The following PHACTR1 variants were observed in gnomAD, a reference collection of about 807,000 sequenced individuals.
The protein encoded by PHACTR1 is phosphatase and actin regulator 1.
Under a neutral mutation model 69.2 loss-of-function variants are expected in PHACTR1, and 16 were observed. That is an observed-to-expected ratio of 0.23 (90% CI 0.16 to 0.35). The LOEUF (loss-of-function observed/expected upper bound fraction) is 0.35, where lower values mean the gene tolerates loss of function less well. PHACTR1 is among the 10% of genes least tolerant of loss of function. The pLI is 1.00. For missense variants in PHACTR1, 510 were observed against 734.7 expected, an observed-to-expected ratio of 0.69 and a Z score of 3.54; for synonymous variants, 312 against 284.5, an observed-to-expected ratio of 1.10 and a Z score of -0.97.
chr6:13,244,679 T>C (rs1292436837), intron 10 of PHACTR1, among the ~76,000 whole-genome samples: 3 of 152,234 alleles, frequency 2.0e-5, no homozygotes. Flanking sequence ...TCACCGGCAG[T>C]CAGAGTTTAA....
intron 10 of PHACTR1, among the ~76,000 whole-genome samples, chr6:13,248,275 G>A (rs968143423): frequency 1.3e-5 from 2 of 152,202 alleles, no homozygotes; most frequent in African/African-American, 4.8e-5. Context: ...GCAGCTCCCA[G>A]GAGGAAACCG....
At position 13,233,134 on chromosome 6, in the gene PHACTR1, A is replaced by G. The variant is rs148228860; in HGVS notation, c.1391+2941A>G. Among the ~76,000 whole-genome samples, 438 of 152,340 alleles carry G rather than the reference A, an allele frequency of 2.9e-3. 3 individuals are homozygous for G. Among genetic ancestry groups the G allele is most frequent in the African/African-American group, 9.9e-3 (410 of 41,572 alleles). On this transcript the variant is annotated intron_variant, in intron 10 of 14. Coordinates refer to ENST00000332995, the MANE Select transcript of PHACTR1 (RefSeq NM_030948.6). ...GTAAAAAAGGGCACCATTGCCCCAG[A>G]GCATACTCCTAAAAAGGGAGACAAT... is the stretch of plus-strand genomic sequence containing the variant.
intron 5 of PHACTR1, among the ~76,000 whole-genome samples, chr6:13,082,489 T>C (rs1009969181): frequency 2.0e-5 from 3 of 152,154 alleles, no homozygotes; most frequent in African/African-American, 7.2e-5. Context: ...AGAAAAATGG[T>C]ATTTCTAGTT....
rs114086197 is a variant in PHACTR1, at chr6:12,824,822, T to C, written c.250+75032T>C. Among the ~76,000 whole-genome samples, 1,070 of 152,244 alleles carry C rather than the reference T, an allele frequency of 7.0e-3. 17 individuals are homozygous for C. The highest frequency in any genetic ancestry group is 0.025 in the African/African-American group (1,019 of 41,548). ...TGTTTCAGTCTAATACAGAGTGTAGTGGTGAACAGCAAGGATTCTGCAACC... is the reference window on the plus strand; with the variant it reads ...TGTTTCAGTCTAATACAGAGTGTAGCGGTGAACAGCAAGGATTCTGCAACC... On this transcript the variant is annotated intron_variant, in intron 4 of 14. Coordinates refer to ENST00000332995, the MANE Select transcript of PHACTR1 (RefSeq NM_030948.6).
intron 6 of PHACTR1, among the ~76,000 whole-genome samples, chr6:13,168,228 A>G (rs1005758385): frequency 3.9e-5 from 6 of 152,216 alleles, no homozygotes; most frequent in African/African-American, 9.6e-5. Flanking sequence ...ACTTAATACA[A>G]TAGGTTTACT....
chr6:12,835,737 G>C (rs769278891), intron 4 of PHACTR1, among the ~76,000 whole-genome samples: 1 of 152,136 alleles, frequency 6.6e-6, no homozygotes, highest in East Asian at 1.9e-4. Context: ...TAGATAGGAC[G>C]GATGTTTTAT....
chr6:12,746,705 T>A (rs911379863), intron 3 of PHACTR1, among the ~76,000 whole-genome samples: 1 of 152,232 alleles, frequency 6.6e-6, no homozygotes, highest in Non-Finnish European at 1.5e-5. Context: ...GTAGCAATAT[T>A]AAGTTCCTAA....
intron 10 of PHACTR1, among the ~76,000 whole-genome samples, chr6:13,248,308 G>A (rs1001398805): frequency 1.3e-5 from 2 of 152,152 alleles, no homozygotes; most frequent in African/African-American, 2.4e-5. Flanking sequence ...GCTTTGTCTA[G>A]GCAGAAATAA....
Position 13,246,064 on chromosome 6 carries a change from CTA to C in PHACTR1, c.1391+15872_1391+15873del, listed in dbSNP as rs1773541886. Among the ~76,000 whole-genome samples the C allele has an allele frequency of 6.6e-6, 1 of 152,110 alleles. No homozygotes were observed. Among genetic ancestry groups the C allele is most frequent in the South Asian group, 2.1e-4 (1 of 4,830 alleles). Reference sequence around the variant, plus strand: ...AGTTCACACAGTAATTTCTGACAAACTAGGATTTAAAATAAAGTCCTCTGACC... The same window carrying C: ...AGTTCACACAGTAATTTCTGACAAACGGATTTAAAATAAAGTCCTCTGACC... On this transcript the variant is annotated intron_variant, in intron 10 of 14. Coordinates refer to ENST00000332995, the MANE Select transcript of PHACTR1 (RefSeq NM_030948.6). The surrounding 1 kb of genome is among the most constrained non-coding windows in gnomAD (Gnocchi z 4.2).
At chr6:12,928,969 G>A (rs1397737222) in intron 4 of PHACTR1, among the ~76,000 whole-genome samples, 1 of 152,168 alleles carries the variant, frequency 6.6e-6, no homozygotes, top group Non-Finnish European at 1.5e-5. Flanking sequence ...GCAAGGCATT[G>A]GTGTTTTTTC....
intron 7 of PHACTR1, among the ~76,000 whole-genome samples, chr6:13,194,365 T>G (rs1454069737): frequency 7.2e-6 from 1 of 139,010 alleles, no homozygotes; most frequent in East Asian, 2.1e-4. Flanking sequence ...ATCACACCAC[T>G]GCACTCCAGC....
At chr6:13,142,102 T>C (rs1263557501) in intron 5 of PHACTR1, among the ~76,000 whole-genome samples, 1 of 152,144 alleles carries the variant, frequency 6.6e-6, no homozygotes, top group Non-Finnish European at 1.5e-5. Flanking sequence ...ACATTAAGGT[T>C]GAAGGTTTCA....
chr6:12,806,486 C>G (rs960483469), intron 4 of PHACTR1, among the ~76,000 whole-genome samples: 4 of 152,058 alleles, frequency 2.6e-5, no homozygotes, highest in Non-Finnish European at 5.9e-5. Flanking sequence ...CTAATTTTCT[C>G]TTTTATAATC....
At chr6:12,943,840 A>C (rs1790307873) in intron 4 of PHACTR1, among the ~76,000 whole-genome samples, 1 of 152,206 alleles carries the variant, frequency 6.6e-6, no homozygotes, top group South Asian at 2.1e-4. Context: ...GCACATGTAA[A>C]TTTATTTTAT....
At chr6:12,801,388 C>A (rs1164015364) in intron 4 of PHACTR1, among the ~76,000 whole-genome samples, 1 of 152,132 alleles carries the variant, frequency 6.6e-6, no homozygotes, top group Admixed American at 6.5e-5. Flanking sequence ...GTCAGTACTT[C>A]ACTACCCAAC....
intron 4 of PHACTR1, among the ~76,000 whole-genome samples, chr6:12,860,966 C>T (rs1254798689): frequency 6.6e-6 from 1 of 152,184 alleles, no homozygotes; most frequent in Non-Finnish European, 1.5e-5. Context: ...TTTATAATTT[C>T]ACACCATCTT....
chr6:13,133,202 TCCC>T (rs1820755122), intron 5 of PHACTR1, among the ~76,000 whole-genome samples: 1 of 1,586 alleles, frequency 6.3e-4, no homozygotes, highest in African/African-American at 1.1e-3. Context: ...CTATTTGGCC[TCCC>T]CCTCCCCCTC....
At chr6:13,209,209 C>A (rs1368438444) in intron 8 of PHACTR1, among the ~76,000 whole-genome samples, 1 of 152,196 alleles carries the variant, frequency 6.6e-6, no homozygotes. Context: ...GGTCACAGGC[C>A]ACACTTTTCA....
At chr6:13,223,958 A>G (rs1196200685) in intron 8 of PHACTR1, among the ~76,000 whole-genome samples, 1 of 152,212 alleles carries the variant, frequency 6.6e-6, no homozygotes, top group Non-Finnish European at 1.5e-5. Flanking sequence ...ACATCCCTGC[A>G]GCACACCACT....
Sources: gnomAD v4.1 joint callset for allele counts (sites outside exome capture counted in the v4.1 genomes callset) on GRCh38, gnomAD v4.1.1 for gene constraint, Gnocchi (gnomAD v3.1) non-coding constraint, MANE v1.5 for transcripts, NCBI Gene and HGNC (gene_info 2026-07-23, HGNC 2026-07-21) for gene names.